Variants in SAMD12 observed in about 807,000 individuals in gnomAD.
The protein encoded by SAMD12 is sterile alpha motif domain containing 12, also known as sterile alpha motif domain-containing protein 12.
SAMD12 carries 9 observed loss-of-function variants against 15.0 expected under a neutral mutation model. The observed-to-expected ratio is 0.60, with a 90% CI of 0.36 to 1.05. SAMD12 has a LOEUF of 1.05. SAMD12 is among the 50% of genes least tolerant of loss of function. SAMD12 has a pLI of 0.01. For synonymous variants in SAMD12, 86 were observed against 90.1 expected (o/e 0.96, Z 0.25); for missense variants, 230 against 234.2 (o/e 0.98, Z 0.12).
intron 3 of SAMD12, among the ~76,000 whole-genome samples, chr8:118,437,149 C>A (rs1419914781): frequency 3.3e-5 from 5 of 152,196 alleles, no homozygotes; most frequent in Admixed American, 3.3e-4. Context: ...CAGCTTCTAG[C>A]ATCATAGGGC....
At chr8:118,358,957 T>A (rs1818359585) in intron 4 of SAMD12, among the ~76,000 whole-genome samples, 1 of 151,944 alleles carries the variant, frequency 6.6e-6, no homozygotes, top group Non-Finnish European at 1.5e-5. Context: ...AGAAAACACT[T>A]AAGTAGTAGT....
intron 1 of SAMD12, among the ~76,000 whole-genome samples, chr8:118,610,238 T>C (rs1174464320): frequency 1.3e-5 from 2 of 152,156 alleles, no homozygotes; most frequent in African/African-American, 2.4e-5. Context: ...TTATTAAAAA[T>C]TTGATCCAAA....
At chr8:118,370,725 A>G (rs10955873) in intron 4 of SAMD12, among the ~76,000 whole-genome samples, 35,186 of 152,030 alleles carry the variant, frequency 0.23, 4,293 homozygotes, top group African/African-American at 0.29. Flanking sequence ...ATAAGTGGGA[A>G]CTGAACAATG....
chr8:118,443,972 AAG>A (rs1386666420), intron 2 of SAMD12, among the ~76,000 whole-genome samples: 6 of 152,192 alleles, frequency 3.9e-5, no homozygotes, highest in Non-Finnish European at 8.8e-5. Flanking sequence ...AAGGCAGGAA[AAG>A]AGAGGCAGAG....
At chr8:118,482,314 A>C (rs1316766871) in intron 2 of SAMD12, among the ~76,000 whole-genome samples, 1 of 152,196 alleles carries the variant, frequency 6.6e-6, no homozygotes, top group Non-Finnish European at 1.5e-5. Flanking sequence ...AGGGAAAATC[A>C]TCTTAACTTG....
intron 3 of SAMD12, among the ~76,000 whole-genome samples, chr8:118,423,094 C>T (rs1271034029): frequency 1.3e-5 from 2 of 152,168 alleles, no homozygotes; most frequent in Admixed American, 6.5e-5. Flanking sequence ...TGTGGAGGCT[C>T]TGGGGCTTGT....
At chr8:118,216,378 T>C (rs1440480273) in intron 4 of SAMD12, among the ~76,000 whole-genome samples, 2 of 151,612 alleles carry the variant, frequency 1.3e-5, no homozygotes, top group Non-Finnish European at 2.9e-5. Flanking sequence ...GTCAGATGAG[T>C]AGGTTGCGAA....
intron 2 of SAMD12, among the ~76,000 whole-genome samples, chr8:118,576,751 C>G (rs1419857001): frequency 3.3e-5 from 5 of 152,092 alleles, no homozygotes; most frequent in African/African-American, 9.7e-5. Flanking sequence ...GTGGCTTTGT[C>G]TTGAGTCTAC....
intron 4 of SAMD12, among the ~76,000 whole-genome samples, chr8:118,318,733 G>A (rs1321320127): frequency 6.6e-6 from 1 of 152,068 alleles, no homozygotes; most frequent in African/African-American, 2.4e-5. Context: ...ATATTAAATT[G>A]CTTGTATTTG....
chr8:118,471,182 ATT>A (rs139534185), intron 2 of SAMD12, among the ~76,000 whole-genome samples: 1 of 149,852 alleles, frequency 6.7e-6, no homozygotes, highest in African/African-American at 2.4e-5. Context: ...TGGTCACAGC[ATT>A]TTTTTTTTCA....
At chr8:118,240,451 A>G (rs879652723) in intron 4 of SAMD12, among the ~76,000 whole-genome samples, 3 of 152,146 alleles carry the variant, frequency 2.0e-5, no homozygotes, top group Non-Finnish European at 2.9e-5. Context: ...ACAGTTCTGG[A>G]TTTGCATTCT....
intron 4 of SAMD12, among the ~76,000 whole-genome samples, chr8:118,236,020 G>A (rs1812421152): frequency 6.6e-6 from 1 of 152,232 alleles, no homozygotes; most frequent in South Asian, 2.1e-4. Flanking sequence ...GTAGTAATAG[G>A]ACCCACCTTC....
At chr8:118,367,334 T>G (rs2130664277) in intron 4 of SAMD12, among the ~76,000 whole-genome samples, 1 of 152,350 alleles carries the variant, frequency 6.6e-6, no homozygotes, top group Non-Finnish European at 1.5e-5. Flanking sequence ...CATGTCAATG[T>G]TCTAAATCAA....
At chr8:118,580,197 A>C (rs1827255632) in intron 2 of SAMD12, among the ~76,000 whole-genome samples, 1 of 152,190 alleles carries the variant, frequency 6.6e-6, no homozygotes, top group Non-Finnish European at 1.5e-5. Context: ...AGTACCTGGG[A>C]GATACATGCA....
chr8:118,407,484 A>G (rs1256152915), intron 3 of SAMD12, among the ~76,000 whole-genome samples: 1 of 152,230 alleles, frequency 6.6e-6, no homozygotes, highest in African/African-American at 2.4e-5. Flanking sequence ...AAATCACACA[A>G]TGATCAAGTA....
intron 4 of SAMD12, among the ~76,000 whole-genome samples, chr8:118,315,798 T>C (rs1245735683): frequency 6.6e-6 from 1 of 152,002 alleles, no homozygotes; most frequent in Non-Finnish European, 1.5e-5. Context: ...TGAAGAAGCG[T>C]CCACCACTGT....
chr8:118,428,783 T>C (rs1822313219), intron 3 of SAMD12, among the ~76,000 whole-genome samples: 1 of 152,210 alleles, frequency 6.6e-6, no homozygotes, highest in East Asian at 1.9e-4. Context: ...TCTATTTTGT[T>C]CTACTATTAT....
intron 2 of SAMD12, among the ~76,000 whole-genome samples, chr8:118,549,008 T>G (rs1044042002): frequency 6.6e-6 from 1 of 152,146 alleles, no homozygotes; most frequent in Non-Finnish European, 1.5e-5. Flanking sequence ...CTTGCTTAGG[T>G]AAACGAAGCA....
At chr8:118,482,685 C>T (rs1423827044) in intron 2 of SAMD12, among the ~76,000 whole-genome samples, 1 of 152,154 alleles carries the variant, frequency 6.6e-6, no homozygotes, top group Non-Finnish European at 1.5e-5. Context: ...ATTTTGATAT[C>T]TGTGGGAGGT....
Sources: gnomAD v4.1 joint callset for allele counts (sites outside exome capture counted in the v4.1 genomes callset) on GRCh38, gnomAD v4.1.1 for gene constraint, MANE v1.5 for transcripts, NCBI Gene and HGNC (gene_info 2026-07-23, HGNC 2026-07-21) for gene names.